The following ELAPOR2 variants were observed in gnomAD, a reference collection of about 807,000 sequenced individuals.
ELAPOR2 encodes the protein endosome/lysosome-associated apoptosis and autophagy regulator family member 2.
A neutral mutation model predicts 120.7 loss-of-function variants in ELAPOR2; 89 were observed. The observed-to-expected ratio is 0.74, with a 90% CI of 0.62 to 0.88. The LOEUF is 0.88. Among genes scored for constraint, ELAPOR2 ranks in the 40% least tolerant of loss-of-function variants. The pLI is 0.00. For missense variants in ELAPOR2, 1,134 were observed against 1,251.6 expected (o/e 0.91, Z 1.42); for synonymous variants, 444 against 444.9 (o/e 1.00, Z 0.03).
At chr7:86,934,429 T>G (rs2116292646) in intron 8 of ELAPOR2, among the ~76,000 whole-genome samples, 1 of 152,174 alleles carries the variant, frequency 6.6e-6, no homozygotes, top group South Asian at 2.1e-4. Context: ...AAAATGGCTC[T>G]TTAAAGCCAC....
intron 2 of ELAPOR2, among the ~76,000 whole-genome samples, chr7:86,956,245 T>C (rs1345460321): frequency 6.6e-6 from 1 of 152,212 alleles, no homozygotes; most frequent in Non-Finnish European, 1.5e-5. Flanking sequence ...TGTAAGTTAC[T>C]TGTGAAATTC....
At chr7:86,995,081 T>C (rs913153216) in intron 1 of ELAPOR2, among the ~76,000 whole-genome samples, 14 of 152,176 alleles carry the variant, frequency 9.2e-5, no homozygotes, top group Non-Finnish European at 1.8e-4. Flanking sequence ...GCTTCATCCT[T>C]AAACTGGCAA....
chr7:87,049,526 C>T (rs1288708574), intron 1 of ELAPOR2, among the ~76,000 whole-genome samples: 2 of 152,152 alleles, frequency 1.3e-5, no homozygotes, highest in Non-Finnish European at 2.9e-5. Context: ...TCGTGATCCG[C>T]CAGCCTCGGC....
chr7:86,880,408 T>C lies in ELAPOR2; in HGVS notation c.*63A>G. The C allele has an allele frequency of 1.7e-6, 2 of 1,180,384 alleles. No individual in the cohort carries two copies. The highest frequency in any genetic ancestry group is 1.2e-5 in the South Asian group (1 of 81,222). 73.1% of individuals were successfully genotyped at this position (1,180,384 alleles called of 1,614,324 possible). Reference sequence around the variant, plus strand: ...AGGTATGAGGACAGACCCTAAAATATGGTCCTGTAAAACTAGAGCAGGTTT... The same window carrying C: ...AGGTATGAGGACAGACCCTAAAATACGGTCCTGTAAAACTAGAGCAGGTTT... On this transcript the variant is annotated 3_prime_UTR_variant, in exon 22 of 22. Coordinates refer to ENST00000450689, the MANE Select transcript of ELAPOR2 (RefSeq NM_001142749.3).
At chr7:87,002,700 A>C (rs529069414) in intron 1 of ELAPOR2, among the ~76,000 whole-genome samples, 7 of 152,036 alleles carry the variant, frequency 4.6e-5, no homozygotes, top group African/African-American at 1.7e-4. Context: ...CTCCCACTCA[A>C]CTACCTACTG....
At chr7:86,907,902 G>T in intron 17 of ELAPOR2, 131 bp from the exon 18 acceptor site, 1 of 472,346 alleles carries the variant, frequency 2.1e-6, no homozygotes, top group Non-Finnish European at 3.6e-6. Context: ...TCACTAATTT[G>T]TAATTTTAAT....
At chr7:86,984,165 G>A (rs13234802) in intron 1 of ELAPOR2, among the ~76,000 whole-genome samples, 57,494 of 151,824 alleles carry the variant, frequency 0.38, 11,720 homozygotes, top group African/African-American at 0.53. Flanking sequence ...CCTAATACAG[G>A]AGCACCTAGA....
intron 1 of ELAPOR2, among the ~76,000 whole-genome samples, chr7:87,022,231 C>G (rs1347585807): frequency 1.0e-5 from 1 of 100,116 alleles, no homozygotes; most frequent in African/African-American, 3.9e-5. Flanking sequence ...CCTCCCCCCT[C>G]CCCCCACCCC....
rs559196181 is a variant in ELAPOR2 at position 86,901,103 on chromosome 7, A to G, written c.2559-3471T>C. Among the ~76,000 whole-genome samples, 11 of 152,330 alleles carry G rather than the reference A, an allele frequency of 7.2e-5. No individual in the cohort carries two copies. In the South Asian group the frequency reaches 2.3e-3, roughly 32 times the overall value. The stretch of plus-strand genomic sequence containing the variant: ...ATGCCTAAAGAGACAGTACACTGTC[A>G]TGGATAGCTGGGGCATGTCAGGCTA... On this transcript the variant is annotated intron_variant, in intron 18 of 21. Coordinates refer to ENST00000450689, the MANE Select transcript of ELAPOR2 (RefSeq NM_001142749.3).
In ELAPOR2 at chr7:86,878,036, G is replaced by A. The variant is rs1453688768; in HGVS notation, c.*2435C>T. On this transcript the variant is annotated 3_prime_UTR_variant, in exon 22 of 22. Coordinates refer to ENST00000450689, the MANE Select transcript of ELAPOR2 (RefSeq NM_001142749.3). ...TTGACGAGTGCTAAGAGATGTTATAGGCAACAGTTGACTTAATGAAGTAGT... is the reference window on the plus strand; with the variant it reads ...TTGACGAGTGCTAAGAGATGTTATAAGCAACAGTTGACTTAATGAAGTAGT... 1.3e-5 allele frequency: 2 copies of A among 152,072 alleles called. No homozygotes were observed. Among genetic ancestry groups the A allele is most frequent in the African/African-American group, 4.8e-5 (2 of 41,404 alleles). 9.4% of individuals were successfully genotyped at this position (152,072 alleles called of 1,614,324 possible). A position where few individuals can be genotyped will look rare whatever the true frequency, so the allele number is the denominator to read the frequency against.
At position 86,954,962 on chromosome 7, in the gene ELAPOR2, T is replaced by A. The variant is rs188368172; in HGVS notation, c.311-7040A>T. On this transcript the variant is annotated intron_variant, in intron 2 of 21. Transcript: ENST00000450689. ...TACAAAGAAAGAGAACAATGCTTAG[T>A]GTGTGAACCTCACAAATAAGTTCTA... Among the ~76,000 whole-genome samples, 280 of 152,270 alleles carry A rather than the reference T, an allele frequency of 1.8e-3. 1 individual carries two copies. The highest frequency in any genetic ancestry group is 6.1e-3 in the African/African-American group (252 of 41,574).
At chr7:86,906,228 ATTGCTAG>A (rs1172043989) in intron 18 of ELAPOR2, among the ~76,000 whole-genome samples, 1 of 152,120 alleles carries the variant, frequency 6.6e-6, no homozygotes, top group Admixed American at 6.6e-5. Context: ...ACACTCTTTT[ATTGCTAG>A]AATCTCTGAC....
chr7:86,949,363 A>G (rs890057368), intron 2 of ELAPOR2, among the ~76,000 whole-genome samples: 2 of 152,190 alleles, frequency 1.3e-5, no homozygotes, highest in Non-Finnish European at 2.9e-5. Context: ...TACTGATGGC[A>G]GCAGCAGCCA....
intron 19 of ELAPOR2, 79 bp from the exon 20 acceptor site, chr7:86,893,179 C>T: frequency 8.8e-7 from 1 of 1,131,944 alleles, no homozygotes. Flanking sequence ...AGATTTGTCA[C>T]TGGTCAATTT....
At chr7:86,960,693 G>C (rs945512189) in intron 2 of ELAPOR2, among the ~76,000 whole-genome samples, 1 of 152,068 alleles carries the variant, frequency 6.6e-6, no homozygotes, top group Non-Finnish European at 1.5e-5. Context: ...TAGATATCCT[G>C]ATTTTGAGTG....
rs1789207793 is a variant in ELAPOR2, at chr7:86,909,758, A to T, written c.2359+54T>A. On this transcript the variant is annotated intron_variant, in intron 16 of 21. Coordinates refer to ENST00000450689, the MANE Select transcript of ELAPOR2 (RefSeq NM_001142749.3). ...ACCAATACAATGACAAGTTATTCAT[A>T]GCATAATTTAAGAATAAATGTATGC... 7 of 1,388,308 alleles carry T rather than the reference A, an allele frequency of 5.0e-6. No homozygotes were observed. In the South Asian group the frequency reaches 6.9e-5, roughly 14 times the overall value. The allele number at this position is 1,388,308 out of a possible 1,614,324, so 86.0% of individuals were successfully genotyped here.
chr7:86,909,781 T>G, intron 16 of ELAPOR2, 31 bp downstream of exon 16: 1 of 1,516,708 alleles, frequency 6.6e-7, no homozygotes, highest in Non-Finnish European at 9.0e-7. Context: ...AATAAATGTA[T>G]GCATGCATAT....
At chr7:86,955,872 CAGA>C (rs1791448908) in intron 2 of ELAPOR2, among the ~76,000 whole-genome samples, 1 of 149,934 alleles carries the variant, frequency 6.7e-6, no homozygotes, top group African/African-American at 2.5e-5. Context: ...ACCATGCAGC[CAGA>C]AGATTTTAGT....
chr7:86,892,319 T>C (rs1001498199), intron 20 of ELAPOR2, among the ~76,000 whole-genome samples: 5 of 152,062 alleles, frequency 3.3e-5, no homozygotes, highest in Non-Finnish European at 7.4e-5. Context: ...TCCTTTATAC[T>C]ATCACCCCAG....
Sources: allele counts gnomAD v4.1 joint callset (sites outside exome capture counted in the v4.1 genomes callset), GRCh38; gene constraint gnomAD v4.1.1; transcripts MANE v1.5; gene names NCBI Gene and HGNC (gene_info 2026-07-23, HGNC 2026-07-21).